CACNG3: variants seen among roughly 807,000 people sequenced by gnomAD.
CACNG3 encodes the protein calcium voltage-gated channel auxiliary subunit gamma 3, also known as voltage-dependent calcium channel gamma-3 subunit.
A neutral mutation model predicts 28.5 loss-of-function variants in CACNG3; 3 were observed. That is an observed-to-expected ratio of 0.11 (90% CI 0.05 to 0.27). CACNG3 has a LOEUF of 0.27. Among genes scored for constraint, CACNG3 ranks in the 10% least tolerant of loss-of-function variants. The probability of loss-of-function intolerance (pLI) is 1.00; values close to 1 mark genes in which losing one functional copy is unlikely to be tolerated. For missense variants in CACNG3, 236 were observed against 414.4 expected (o/e 0.57, Z 3.74); for synonymous variants, 174 against 162.2 (o/e 1.07, Z -0.55).
chr16:24,274,810 A>G (rs1261094521), intron 1 of CACNG3, among the ~76,000 whole-genome samples: 1 of 152,158 alleles, frequency 6.6e-6, no homozygotes, highest in Non-Finnish European at 1.5e-5. Context: ...TGTCCTCCCA[A>G]GAGCCTCGTG....
intron 3 of CACNG3, 129 bp downstream of exon 3, chr16:24,355,102 G>A (rs1900011955): frequency 1.1e-6 from 1 of 894,782 alleles, no homozygotes; most frequent in Non-Finnish European, 1.7e-6. Context: ...TTGTGCTAAG[G>A]ATGAGAACTC....
intron 1 of CACNG3, among the ~76,000 whole-genome samples, chr16:24,278,493 G>A (rs1898780467): frequency 6.6e-6 from 1 of 152,160 alleles, no homozygotes; most frequent in Admixed American, 6.5e-5. Flanking sequence ...GCACATGCCT[G>A]TAGTCCCAGC....
At chr16:24,323,219 CAAAAAAA>C (rs761999416) in intron 1 of CACNG3, among the ~76,000 whole-genome samples, 1 of 66,794 alleles carries the variant, frequency 1.5e-5, no homozygotes, top group African/African-American at 6.1e-5. Context: ...GAGCAGGACT[CAAAAAAA>C]AAAAAAAAAA....
At position 24,349,306 on chromosome 16, in the gene CACNG3, A is replaced by G. The variant is rs115732484; in HGVS notation, c.295+2489A>G. Among the ~76,000 whole-genome samples the G allele has an allele frequency of 5.7e-3, 871 of 152,328 alleles. 11 individuals carry two copies. Among genetic ancestry groups the G allele is most frequent in the African/African-American group, 0.019 (789 of 41,576 alleles). ...GGAAAGGGGTCCAGATCCAGCCCCA[A>G]GACAGGGTTCTTGGATCTCACACAA... On this transcript the variant is annotated intron_variant, in intron 2 of 3. Transcript: ENST00000005284.
In CACNG3 at chr16:24,361,250, C is replaced by T. The variant is rs1023047671; in HGVS notation, c.437-102C>T. Reference sequence around the variant, plus strand: ...TCCCAGCTATAATCCATTCTCCTCTCTCCCCATTACCTCCACATTTTCTAT... The same window carrying T: ...TCCCAGCTATAATCCATTCTCCTCTTTCCCCATTACCTCCACATTTTCTAT... On this transcript the variant is annotated intron_variant, in intron 3 of 3. Transcript: ENST00000005284. This position sits in a 1 kb window ranked among gnomAD's most constrained non-coding sequence, Gnocchi z 6.8. 1.3e-5 allele frequency: 12 copies of T among 935,132 alleles called. No homozygotes were observed. The African/African-American group carries it at 2.0e-4, about 15-fold the overall frequency. 57.9% of individuals were successfully genotyped at this position (935,132 alleles called of 1,614,324 possible).
chr16:24,302,644 TG>T (rs1899129537), intron 1 of CACNG3, among the ~76,000 whole-genome samples: 3 of 131,758 alleles, frequency 2.3e-5, no homozygotes, highest in African/African-American at 1.3e-4. Flanking sequence ...GTTTTTGTTT[TG>T]TTTTGTTTTG....
Position 24,256,443 on chromosome 16 carries a change from C to T in CACNG3, c.-312C>T. On this transcript the variant is annotated 5_prime_UTR_variant, in exon 1 of 4. Transcript: ENST00000005284. The surrounding 1 kb of genome is among the most constrained non-coding windows in gnomAD (Gnocchi z 4.6). ...GGCAGCTCCAGGCTCCGGAGCCATG[C>T]CCTGCACGGACCCTCGTCTTTACCA... is the stretch of plus-strand genomic sequence containing the variant. 1 of 356,286 alleles carries T rather than the reference C, an allele frequency of 2.8e-6. No homozygotes were observed. Among genetic ancestry groups the T allele is most frequent in the Non-Finnish European group, 5.3e-6 (1 of 190,472 alleles). The allele number at this position is 356,286 out of a possible 1,614,324, so 22.1% of individuals were successfully genotyped here.
chr16:24,322,686 C>T lies in CACNG3; in HGVS notation c.212-24048C>T, dbSNP rs1362529376. Among the ~76,000 whole-genome samples the T allele has an allele frequency of 2.0e-5, 3 of 152,160 alleles. No homozygotes were observed. In the South Asian group the frequency reaches 6.2e-4, roughly 32 times the overall value. ...CCTTCTGCTTCTCAAATTCTACCCC[C>T]TCCCCAACCCACAGAGGTTCCTTAA... On this transcript the variant is annotated intron_variant, in intron 1 of 3. Transcript: ENST00000005284.
chr16:24,275,449 T>C (rs1898741478), intron 1 of CACNG3, among the ~76,000 whole-genome samples: 1 of 152,210 alleles, frequency 6.6e-6, no homozygotes, highest in African/African-American at 2.4e-5. Flanking sequence ...ACAGTCTGAG[T>C]AACCAAATGA....
chr16:24,274,450 GATAA>G (rs1195236519), intron 1 of CACNG3, among the ~76,000 whole-genome samples: 1 of 152,144 alleles, frequency 6.6e-6, no homozygotes, highest in Non-Finnish European at 1.5e-5. Flanking sequence ...ATTTTCCTGG[GATAA>G]ATAGATTGGA....
intron 1 of CACNG3, among the ~76,000 whole-genome samples, chr16:24,316,595 G>T (rs181490982): frequency 2.3e-4 from 35 of 152,244 alleles, no homozygotes; most frequent in African/African-American, 8.2e-4. Flanking sequence ...GTGGCTTCCC[G>T]GTGCTCTGGG....
Position 24,302,993 on chromosome 16 carries a change from C to T in CACNG3, c.212-43741C>T, listed in dbSNP as rs369409145. Among the ~76,000 whole-genome samples the T allele has an allele frequency of 1.1e-4, 16 of 150,930 alleles. No individual in the cohort carries two copies. The East Asian group carries it at 1.4e-3, about 13-fold the overall frequency. On this transcript the variant is annotated intron_variant, in intron 1 of 3. Transcript: ENST00000005284. ...TTTTTAAATAGAGATAAGGTCTTGCCGTGTTGCCCAGGCTGGTTTTGAGCT... is the reference window on the plus strand; with the variant it reads ...TTTTTAAATAGAGATAAGGTCTTGCTGTGTTGCCCAGGCTGGTTTTGAGCT...
chr16:24,322,629 AAGAGG>A (rs1422555869), intron 1 of CACNG3, among the ~76,000 whole-genome samples: 1 of 152,310 alleles, frequency 6.6e-6, no homozygotes. Flanking sequence ...AAGCACTTTT[AAGAGG>A]AGAGTGTAAG....
intron 1 of CACNG3, among the ~76,000 whole-genome samples, chr16:24,273,776 ATT>A (rs1314761599): frequency 6.6e-6 from 1 of 152,164 alleles, no homozygotes; most frequent in Non-Finnish European, 1.5e-5. Flanking sequence ...CCATATATTT[ATT>A]TGCATCACAC....
At chr16:24,266,091 TC>T (rs1269511650) in intron 1 of CACNG3, among the ~76,000 whole-genome samples, 2 of 152,210 alleles carry the variant, frequency 1.3e-5, no homozygotes, top group East Asian at 3.8e-4. Flanking sequence ...GGTCTGATTT[TC>T]CCCCTCTCAT....
intron 1 of CACNG3, among the ~76,000 whole-genome samples, chr16:24,258,409 G>C (rs1406094141): frequency 6.6e-6 from 1 of 152,188 alleles, no homozygotes; most frequent in Admixed American, 6.5e-5. Flanking sequence ...GGGTAATGCT[G>C]CAAAGTATCG....
chr16:24,259,263 A>G (rs1898508551), intron 1 of CACNG3, among the ~76,000 whole-genome samples: 1 of 152,248 alleles, frequency 6.6e-6, no homozygotes. Context: ...CACCCATGTA[A>G]TTAACACCTA....
At chr16:24,350,627 C>A (rs1899928627) in intron 2 of CACNG3, among the ~76,000 whole-genome samples, 1 of 152,188 alleles carries the variant, frequency 6.6e-6, no homozygotes, top group African/African-American at 2.4e-5. Context: ...GTGTAACCAA[C>A]ACAGTTCAAT....
At chr16:24,282,684 A>G (rs1898845047) in intron 1 of CACNG3, among the ~76,000 whole-genome samples, 1 of 152,156 alleles carries the variant, frequency 6.6e-6, no homozygotes, top group Non-Finnish European at 1.5e-5. Flanking sequence ...TTTATGAAAC[A>G]ATTTATCCAC....
Sources: gnomAD v4.1 joint callset for allele counts (sites outside exome capture counted in the v4.1 genomes callset) on GRCh38, gnomAD v4.1.1 for gene constraint, Gnocchi (gnomAD v3.1) non-coding constraint, MANE v1.5 for transcripts, NCBI Gene and HGNC (gene_info 2026-07-23, HGNC 2026-07-21) for gene names.